Variants in SLCO1C1 observed in about 807,000 individuals in gnomAD.
SLCO1C1 encodes OAT-RP-5.
SLCO1C1 carries 70 observed loss-of-function variants against 76.4 expected under a neutral mutation model. The observed-to-expected ratio is 0.92, with a 90% CI of 0.76 to 1.12. The LOEUF is 1.12. Among genes scored for constraint, SLCO1C1 ranks in the 50% most tolerant of loss-of-function variants. The probability of loss-of-function intolerance (pLI) is 0.00; values close to 1 mark genes in which losing one functional copy is unlikely to be tolerated. For missense variants in SLCO1C1, 912 were observed against 823.8 expected (o/e 1.11, Z -1.31); for synonymous variants, 306 against 286.1 (o/e 1.07, Z -0.70).
Position 20,752,636 on chromosome 12 carries a change from A to C in SLCO1C1, c.*108A>C, listed in dbSNP as rs1949367191. The C allele has an allele frequency of 1.1e-6, 1 of 935,836 alleles. No homozygotes were observed. Among genetic ancestry groups the C allele is most frequent in the African/African-American group, 1.7e-5 (1 of 60,308 alleles). 58.0% of individuals were successfully genotyped at this position (935,836 alleles called of 1,614,324 possible). On this transcript the variant is annotated 3_prime_UTR_variant, in exon 15 of 15. Coordinates refer to ENST00000266509, the MANE Select transcript of SLCO1C1 (RefSeq NM_017435.5). The stretch of plus-strand genomic sequence containing the variant: ...TGTAATTTCTTTCTCCTTTCAAAAA[A>C]TGTCTACTTTGTTTTGGTCCTAGGC...
intron 7 of SLCO1C1, among the ~76,000 whole-genome samples, chr12:20,717,863 T>C (rs553256508): frequency 6.6e-6 from 1 of 151,884 alleles, no homozygotes; most frequent in Admixed American, 6.6e-5. Context: ...TGGAAATAGA[T>C]GGCATTTGTC....
chr12:20,719,591 A>T (rs1486803480), intron 7 of SLCO1C1, among the ~76,000 whole-genome samples: 1 of 152,204 alleles, frequency 6.6e-6, no homozygotes. Flanking sequence ...CCTTATTGAG[A>T]TAAAGTTTTA....
At chr12:20,739,193 A>G (rs1294728967) in intron 11 of SLCO1C1, among the ~76,000 whole-genome samples, 2 of 152,190 alleles carry the variant, frequency 1.3e-5, no homozygotes, top group African/African-American at 2.4e-5. Context: ...AGTTTTATCA[A>G]ATGCCTAAAA....
chr12:20,717,523 A>G (rs546412051), intron 7 of SLCO1C1, among the ~76,000 whole-genome samples: 1 of 151,772 alleles, frequency 6.6e-6, no homozygotes, highest in Admixed American at 6.6e-5. Flanking sequence ...AACTGTAGCT[A>G]CTTGTTGGCT....
intron 7 of SLCO1C1, among the ~76,000 whole-genome samples, chr12:20,719,652 C>T (rs1439836468): frequency 6.6e-6 from 1 of 152,090 alleles, no homozygotes; most frequent in Non-Finnish European, 1.5e-5. Context: ...TAAGCCAAAA[C>T]CTAATTCAGA....
intron 9 of SLCO1C1, among the ~76,000 whole-genome samples, chr12:20,727,297 G>T (rs1948063188): frequency 6.6e-6 from 1 of 152,078 alleles, no homozygotes; most frequent in Admixed American, 6.6e-5. Context: ...AAAATAGCTG[G>T]ACTGATTTAC....
Position 20,752,331 on chromosome 12 carries a change from A to G in SLCO1C1, c.1942A>G (p.Ile648Val). ...FRHIYLGLTV[I>V]LGTVSILLSI... Reference sequence around the variant, plus strand: ...ACATATATATCTGGGACTAACTGTGATACTGGGCACAGTGTCAATTCTCCT... The same window carrying G: ...ACATATATATCTGGGACTAACTGTGGTACTGGGCACAGTGTCAATTCTCCT... Residue 648 changes from isoleucine to valine, a missense_variant, in exon 15 of 15, where the codon ATA becomes GTA. Physicochemically the swap from Ile to Val is conservative, Grantham distance 29. Coordinates refer to ENST00000266509, the MANE Select transcript of SLCO1C1 (RefSeq NM_017435.5). The G allele has an allele frequency of 1.9e-5, 31 of 1,607,328 alleles. No homozygotes were observed. The highest frequency in any genetic ancestry group is 2.6e-5 in the Non-Finnish European group (30 of 1,175,986).
At chr12:20,732,476 C>G (rs572731570) in intron 9 of SLCO1C1, among the ~76,000 whole-genome samples, 1 of 152,242 alleles carries the variant, frequency 6.6e-6, no homozygotes, top group East Asian at 1.9e-4. Context: ...AGCTAGCAAG[C>G]TGGATCAACA....
chr12:20,724,364 A>T (rs1042003556), intron 9 of SLCO1C1, among the ~76,000 whole-genome samples: 3 of 147,948 alleles, frequency 2.0e-5, no homozygotes, highest in Non-Finnish European at 3.0e-5. Context: ...GACCTTAAAC[A>T]GTTCAGATGG....
intron 2 of SLCO1C1, chr12:20,699,921 C>CCA (rs1946442830): frequency 2.6e-6 from 1 of 392,074 alleles, no homozygotes; most frequent in Non-Finnish European, 4.4e-6. Context: ...TAAATGCCCC[C>CCA]CCAAACAGAA....
In SLCO1C1 at chr12:20,750,766, C is replaced by T; in HGVS notation, c.1890C>T (p.Cys630=). 1 of 1,613,928 alleles carries T rather than the reference C, an allele frequency of 6.2e-7. No individual in the cohort carries two copies. The highest frequency in any genetic ancestry group is 8.5e-7 in the Non-Finnish European group (1 of 1,179,890). The stretch of plus-strand genomic sequence containing the variant: ...AAAGATGTGGAAGTAGAGGATCATG[C>T]AGATTATATGATTCAAATGTCTTCA... The part of the protein sequence containing the change: ...GFKRCGSRGS[C]RLYDSNVFRH... Residue 630 remains cysteine (C), a synonymous_variant, in exon 14 of 15, where the codon TGC becomes TGT. Coordinates refer to ENST00000266509, the MANE Select transcript of SLCO1C1 (RefSeq NM_017435.5).
chr12:20,706,741 CT>C (rs1242463088), intron 4 of SLCO1C1, among the ~76,000 whole-genome samples: 2 of 152,064 alleles, frequency 1.3e-5, no homozygotes, highest in African/African-American at 4.8e-5. Flanking sequence ...AGTTTGATGA[CT>C]TTTGTAAATT....
intron 13 of SLCO1C1, among the ~76,000 whole-genome samples, chr12:20,743,855 C>T (rs1260077345): frequency 7.0e-6 from 1 of 142,712 alleles, no homozygotes; most frequent in Non-Finnish European, 1.6e-5. Flanking sequence ...GTAGGTCATA[C>T]TTTAAATTGT....
chr12:20,734,410 T>C (rs1948450588), intron 10 of SLCO1C1, among the ~76,000 whole-genome samples: 1 of 152,152 alleles, frequency 6.6e-6, no homozygotes, highest in Non-Finnish European at 1.5e-5. Context: ...GGAAGATGAT[T>C]CTGGAGAGAG....
chr12:20,741,003 G>A (rs182201903), intron 12 of SLCO1C1, among the ~76,000 whole-genome samples: 48 of 151,738 alleles, frequency 3.2e-4, no homozygotes, highest in Non-Finnish European at 5.7e-4. Flanking sequence ...TCACAGTTCC[G>A]CATGGCTGGA....
intron 7 of SLCO1C1, among the ~76,000 whole-genome samples, chr12:20,720,886 A>G (rs868069475): frequency 6.6e-6 from 1 of 151,574 alleles, no homozygotes; most frequent in Admixed American, 6.6e-5. Context: ...AATCCCAGCT[A>G]CTAGGGAGGC....
At chr12:20,726,274 A>G (rs1202494470) in intron 9 of SLCO1C1, among the ~76,000 whole-genome samples, 1 of 148,272 alleles carries the variant, frequency 6.7e-6, no homozygotes, top group Non-Finnish European at 1.5e-5. Context: ...AACTTGGGCT[A>G]TGGGATAATG....
intron 11 of SLCO1C1, among the ~76,000 whole-genome samples, chr12:20,738,907 G>C (rs1948674715): frequency 6.6e-6 from 1 of 152,000 alleles, no homozygotes; most frequent in South Asian, 2.1e-4. Context: ...GTTTCAACTT[G>C]ACATTACAAA....
At chr12:20,738,634 TTGTTATTTTTCTTTCAGCTAC>T (rs1328242392) in intron 11 of SLCO1C1, among the ~76,000 whole-genome samples, 1 of 152,176 alleles carries the variant, frequency 6.6e-6, no homozygotes, top group African/African-American at 2.4e-5. Flanking sequence ...CTTTCTTCCT[TTGTTATTTTTCTTTCAGCTAC>T]TGTTATTTTT....
Sources: allele counts gnomAD v4.1 joint callset (sites outside exome capture counted in the v4.1 genomes callset), GRCh38; gene constraint gnomAD v4.1.1; transcripts MANE v1.5; gene names NCBI Gene and HGNC (gene_info 2026-07-23, HGNC 2026-07-21).